The following TRPM1 variants were observed in gnomAD, a reference collection of about 807,000 sequenced individuals.
TRPM1 encodes TRPM1-203 APA Isoform, Intron 10.
TRPM1 carries 113 observed loss-of-function variants against 149.4 expected under a neutral mutation model. The ratio of observed to expected loss-of-function variants is 0.76; its 90% CI spans 0.65 to 0.88. The LOEUF (loss-of-function observed/expected upper bound fraction) is 0.88. Ranked by LOEUF, TRPM1 falls within the 40% of genes least tolerant of loss-of-function variation. The probability of loss-of-function intolerance (pLI) is 0.00; values close to 1 mark genes in which losing one functional copy is unlikely to be tolerated. For synonymous variants in TRPM1, 741 were observed against 759.5 expected (o/e 0.98, Z 0.40); for missense variants, 1,976 against 2,038.7 (o/e 0.97, Z 0.59).
rs755579580 is a variant in TRPM1, at chr15:31,060,579, G to C, written c.1228C>G (p.Arg410Gly). ...GGCCCAAAGACAAAGATCTGGCTTC[G>C]TGCTATGTCCACGCGGTTCCAAGCC... is the stretch of plus-strand genomic sequence containing the variant. ...ALAWNRVDIA[R>G]SQIFVFGPHW... The change falls in exon 11 of 28, where the codon CGA (arginine) becomes GGA (glycine). Residue 410 changes from arginine (R) to glycine (G), a missense_variant. Arg to Gly is a moderately radical substitution (Grantham distance 125). This residue lies in a region of TRPM1 where 1,332 missense variants were observed against 1,347.1 expected (regional missense o/e 0.99). Transcript: ENST00000256552. The C allele has an allele frequency of 1.9e-6, 3 of 1,614,112 alleles. No individual in the cohort carries two copies. Among genetic ancestry groups the C allele is most frequent in the Non-Finnish European group, 2.5e-6 (3 of 1,180,048 alleles).
chr15:31,072,008 TATATATATATAGAGAGAGAG>T (rs1385755524), intron 3 of TRPM1, among the ~76,000 whole-genome samples: 169 of 34,750 alleles, frequency 4.9e-3, no homozygotes, highest in Middle Eastern at 0.018. Context: ...TATATATATA[TATATATATATAGAGAGAGAG>T]AGAGAGAGAG....
Position 31,061,495 on chromosome 15 carries a change from C to G in TRPM1, c.1109G>C (p.Gly370Ala). The G allele has an allele frequency of 1.2e-6, 2 of 1,614,062 alleles. No homozygotes were observed. The highest frequency in any genetic ancestry group is 1.7e-6 in the Non-Finnish European group (2 of 1,179,980). Residue 370 changes from glycine to alanine, a missense_variant, in exon 10 of 28, where the codon GGT becomes GCT. Around this residue, in one of 3 missense-constraint regions of TRPM1, gnomAD observed 1,332 missense variants for 1,347.1 expected, o/e 0.99. Transcript: ENST00000256552. ...CTCGATGTCCTGCTGGCCCTCAGAA[C>G]CCATTCTGAACACAGTGACCTGAAA... Reference protein sequence around the residue: ...KKELVTVFRMGSEGQQDIEMA... With the variant: ...KKELVTVFRMASEGQQDIEMA...
In TRPM1 at chr15:31,002,452, A is replaced by T; in HGVS notation, c.4248T>A (p.Asp1416Glu). ...CCACTGTTAGCTGAGTGTTTTGAAC[A>T]TCTGATTTGTCCTGTCCATGTATCA... The part of the protein sequence containing the change: ...TDVIHGQDKS[D>E]VQNTQLTVET... Residue 1416 changes from aspartate (D) to glutamate (E), a missense_variant, in exon 28 of 28, where the codon GAT becomes GAA. This residue lies in a region of TRPM1 where 572 missense variants were observed against 578.9 expected (regional missense o/e 0.99). Transcript: ENST00000256552. The T allele has an allele frequency of 6.2e-7, 1 of 1,614,212 alleles. No individual in the cohort carries two copies. The highest frequency in any genetic ancestry group is 1.1e-5 in the South Asian group (1 of 91,090).
In TRPM1 at chr15:31,046,328, G is replaced by A. The variant is rs2140935533; in HGVS notation, c.1765-95C>T. The A allele has an allele frequency of 3.5e-6, 4 of 1,144,918 alleles. No individual in the cohort carries two copies. The South Asian group carries it at 3.8e-5, about 11-fold the overall frequency. The allele number at this position is 1,144,918 out of a possible 1,614,324, so 70.9% of individuals were successfully genotyped here. The stretch of plus-strand genomic sequence containing the variant: ...TATTGTTGATAGTGGACATACGAAT[G>A]GATTAAAAAGCACTTTGTATCATTA... On this transcript the variant is annotated intron_variant, in intron 15 of 27. Transcript: ENST00000256552.
At chr15:31,020,501 C>T (rs1478958365) in intron 27 of TRPM1, among the ~76,000 whole-genome samples, 1 of 152,214 alleles carries the variant, frequency 6.6e-6, no homozygotes, top group African/African-American at 2.4e-5. Flanking sequence ...CTGACCTGGC[C>T]CAGTACAAAG....
chr15:31,149,395 A>G (rs1014744212), intron 1 of TRPM1, among the ~76,000 whole-genome samples: 14 of 152,146 alleles, frequency 9.2e-5, no homozygotes, highest in African/African-American at 2.7e-4. Flanking sequence ...AGCAACTACA[A>G]AGGGCTCTGT....
At chr15:31,066,305 G>A in intron 6 of TRPM1, 58 bp from the exon 7 acceptor site, 2 of 1,592,544 alleles carry the variant, frequency 1.3e-6, no homozygotes. Context: ...AGACCAACAA[G>A]GGAAGCAAGC....
In TRPM1 at chr15:31,001,131, G is replaced by A. The variant is rs2031743509; in HGVS notation, c.*691C>T. 6.6e-6 allele frequency: 1 copy of A among 152,156 alleles called. No individual in the cohort carries two copies. Among genetic ancestry groups the A allele is most frequent in the Non-Finnish European group, 1.5e-5 (1 of 68,038 alleles). 9.4% of individuals were successfully genotyped at this position (152,156 alleles called of 1,614,324 possible). A position where few individuals can be genotyped will look rare whatever the true frequency, so the allele number is the denominator to read the frequency against. Reference sequence around the variant, plus strand: ...AGGTCACCCTAAATTATTAGAGTATGATGTTTGATATAATTGTGTACTTTT... The same window carrying A: ...AGGTCACCCTAAATTATTAGAGTATAATGTTTGATATAATTGTGTACTTTT... On this transcript the variant is annotated 3_prime_UTR_variant, in exon 28 of 28. Transcript: ENST00000256552.
At chr15:31,090,006 C>G in intron 1 of TRPM1, among the ~76,000 whole-genome samples, 1 of 152,010 alleles carries the variant, frequency 6.6e-6, no homozygotes, top group East Asian at 1.9e-4. Context: ...ATGAAAAAAC[C>G]CTAAACTAGT....
chr15:31,141,635 G>C (rs1320729366), intron 1 of TRPM1, among the ~76,000 whole-genome samples: 2 of 150,350 alleles, frequency 1.3e-5, no homozygotes, highest in African/African-American at 2.5e-5. Flanking sequence ...AATTTTGTGT[G>C]GTCATAATGA....
At chr15:31,069,619 GCAGGCC>G (rs916572130) in intron 4 of TRPM1, 59 of 1,310,940 alleles carry the variant, frequency 4.5e-5, no homozygotes, top group Non-Finnish European at 5.3e-5. Flanking sequence ...CCAGCTGAGC[GCAGGCC>G]CAGGGAAGCT....
chr15:31,037,563 C>T, intron 20 of TRPM1, 148 bp downstream of exon 20: 2 of 1,110,368 alleles, frequency 1.8e-6, no homozygotes, highest in Non-Finnish European at 2.6e-6. Context: ...AGCCAGAGAT[C>T]TCAATTAGTC....
intron 1 of TRPM1, among the ~76,000 whole-genome samples, chr15:31,087,742 C>A (rs1219173960): frequency 6.6e-6 from 1 of 151,972 alleles, no homozygotes; most frequent in Non-Finnish European, 1.5e-5. Context: ...GAGGACATGG[C>A]GATAAGTGAA....
chr15:31,101,367 A>T (rs182681629), intron 1 of TRPM1, among the ~76,000 whole-genome samples: 5 of 152,236 alleles, frequency 3.3e-5, no homozygotes, highest in Non-Finnish European at 7.4e-5. Flanking sequence ...TTCTGCTGAG[A>T]CAGCCTCTTG....
At chr15:31,096,884 C>G (rs937862860) in intron 1 of TRPM1, among the ~76,000 whole-genome samples, 2 of 152,180 alleles carry the variant, frequency 1.3e-5, no homozygotes, top group Non-Finnish European at 2.9e-5. Flanking sequence ...CCCTCAGGGA[C>G]TGTGATGTTT....
intron 27 of TRPM1, among the ~76,000 whole-genome samples, chr15:31,021,471 G>C (rs1032095799): frequency 6.6e-6 from 1 of 152,162 alleles, no homozygotes; most frequent in African/African-American, 2.4e-5. Flanking sequence ...TAAGGCGGGA[G>C]GACCGCTTGA....
chr15:31,010,168 GTTGAT>G (rs2032131929), intron 27 of TRPM1, among the ~76,000 whole-genome samples: 1 of 152,206 alleles, frequency 6.6e-6, no homozygotes, highest in South Asian at 2.1e-4. Flanking sequence ...CATGGAGAAT[GTTGAT>G]TTGTTTTGTT....
intron 17 of TRPM1, among the ~76,000 whole-genome samples, chr15:31,041,607 A>C (rs771976846): frequency 3.0e-4 from 46 of 152,212 alleles, no homozygotes; most frequent in Non-Finnish European, 6.3e-4. Context: ...TCCAGGTCAC[A>C]GTCCAGGGCA....
At chr15:31,042,325 C>T in intron 16 of TRPM1, 82 bp from the exon 17 acceptor site, 2 of 1,444,138 alleles carry the variant, frequency 1.4e-6, no homozygotes, top group Non-Finnish European at 1.9e-6. Context: ...GAAAGGGAAC[C>T]CTTTCTGTCA....
Sources: allele counts gnomAD v4.1 joint callset (sites outside exome capture counted in the v4.1 genomes callset), GRCh38; gene constraint gnomAD v4.1.1; regional missense constraint gnomAD v4.1.1; transcripts MANE v1.5; gene names NCBI Gene and HGNC (gene_info 2026-07-23, HGNC 2026-07-21).